The following EDIL3 variants were observed in gnomAD, a reference collection of about 807,000 sequenced individuals.
EDIL3 encodes the protein EGF like and discoidin domains 3.
A neutral mutation model predicts 67.4 loss-of-function variants in EDIL3; 37 were observed. That is an observed-to-expected ratio of 0.55 (90% CI 0.42 to 0.72). The LOEUF (loss-of-function observed/expected upper bound fraction) is 0.72, where lower values mean the gene tolerates loss of function less well. Ranked by LOEUF, EDIL3 falls within the 30% of genes least tolerant of loss-of-function variation. The pLI is 0.00. For missense variants in EDIL3, 527 were observed against 586.3 expected, an observed-to-expected ratio of 0.90 and a Z score of 1.04; for synonymous variants, 195 against 196.3, an observed-to-expected ratio of 0.99 and a Z score of 0.05.
intron 1 of EDIL3, among the ~76,000 whole-genome samples, chr5:84,302,051 T>G (rs1746173751): frequency 6.6e-6 from 1 of 152,096 alleles, no homozygotes; most frequent in Admixed American, 6.5e-5. Context: ...TTATAAAGAG[T>G]ATTGACTATA....
intron 5 of EDIL3, among the ~76,000 whole-genome samples, chr5:84,120,828 C>T (rs1403873464): frequency 1.3e-5 from 2 of 151,838 alleles, no homozygotes; most frequent in Non-Finnish European, 2.9e-5. Flanking sequence ...TTTGACTGCA[C>T]ACTCTGAAGC....
In EDIL3 at chr5:84,384,842, C is replaced by A. The variant is rs996549741; in HGVS notation, c.-468G>T. The A allele has an allele frequency of 6.6e-6, 1 of 152,202 alleles. No individual in the cohort carries two copies. The highest frequency in any genetic ancestry group is 6.5e-5 in the Admixed American group (1 of 15,288). The allele number at this position is 152,202 out of a possible 1,614,324, so 9.4% of individuals were successfully genotyped here. A position where few individuals can be genotyped will look rare whatever the true frequency, so the allele number is the denominator to read the frequency against. On this transcript the variant is annotated 5_prime_UTR_variant, in exon 1 of 11. Transcript: ENST00000296591. Reference sequence around the variant, plus strand: ...AGCTGGAGGGGAGCGAGCGGGCCGCCGGGAGCGCACTGTGTACAAACAGAG... The same window carrying A: ...AGCTGGAGGGGAGCGAGCGGGCCGCAGGGAGCGCACTGTGTACAAACAGAG...
At chr5:84,004,240 C>G (rs962215596) in intron 9 of EDIL3, among the ~76,000 whole-genome samples, 18 of 152,018 alleles carry the variant, frequency 1.2e-4, no homozygotes, top group African/African-American at 3.9e-4. Context: ...AGAATTTCAA[C>G]AACCCACTGA....
chr5:84,379,040 G>A (rs1211898919), intron 1 of EDIL3, among the ~76,000 whole-genome samples: 1 of 152,070 alleles, frequency 6.6e-6, no homozygotes, highest in African/African-American at 2.4e-5. Flanking sequence ...GGGAGAGGAG[G>A]AGAAAGAGAC....
chr5:84,072,852 T>C (rs1746765395), intron 6 of EDIL3, among the ~76,000 whole-genome samples: 2 of 151,838 alleles, frequency 1.3e-5, no homozygotes, highest in African/African-American at 4.8e-5. Flanking sequence ...AATGGAGGGA[T>C]GGTGGAGGGA....
At chr5:84,085,893 A>T (rs1747060527) in intron 6 of EDIL3, among the ~76,000 whole-genome samples, 1 of 152,150 alleles carries the variant, frequency 6.6e-6, no homozygotes, top group African/African-American at 2.4e-5. Flanking sequence ...TGCCCTGCCC[A>T]GTGAGGAGGA....
intron 9 of EDIL3, among the ~76,000 whole-genome samples, chr5:83,965,402 C>G (rs184263554): frequency 6.6e-6 from 1 of 152,172 alleles, no homozygotes; most frequent in East Asian, 1.9e-4. Flanking sequence ...GCAGAGACAG[C>G]AGGGCAAAGC....
chr5:84,207,177 T>G (rs1047222117), intron 3 of EDIL3, among the ~76,000 whole-genome samples: 2 of 152,204 alleles, frequency 1.3e-5, no homozygotes, highest in African/African-American at 4.8e-5. Flanking sequence ...CTCCTTAAGC[T>G]GAGAAGCAAC....
chr5:84,196,405 C>T (rs1271948923), intron 3 of EDIL3, among the ~76,000 whole-genome samples: 1 of 151,950 alleles, frequency 6.6e-6, no homozygotes, highest in African/African-American at 2.4e-5. Context: ...AATTGGGAAC[C>T]ACAGTCCAAT....
intron 9 of EDIL3, among the ~76,000 whole-genome samples, chr5:84,032,311 A>T (rs1745938536): frequency 6.6e-6 from 1 of 152,224 alleles, no homozygotes; most frequent in Non-Finnish European, 1.5e-5. Context: ...TACTAAGTTT[A>T]ATGTTAGTGC....
At chr5:84,086,317 A>G (rs1173602296) in intron 6 of EDIL3, among the ~76,000 whole-genome samples, 1 of 152,196 alleles carries the variant, frequency 6.6e-6, no homozygotes, top group Non-Finnish European at 1.5e-5. Flanking sequence ...GAATCTCCTG[A>G]TCTGCGGATT....
At chr5:84,199,796 G>A (rs960716860) in intron 3 of EDIL3, among the ~76,000 whole-genome samples, 1 of 152,100 alleles carries the variant, frequency 6.6e-6, no homozygotes, top group African/African-American at 2.4e-5. Context: ...AGGAAAAACA[G>A]GCTTCCATGT....
intron 3 of EDIL3, among the ~76,000 whole-genome samples, chr5:84,220,268 A>G (rs976297021): frequency 6.6e-6 from 1 of 152,168 alleles, no homozygotes; most frequent in African/African-American, 2.4e-5. Context: ...TAAAACTTAA[A>G]AGAAATAAAA....
intron 9 of EDIL3, among the ~76,000 whole-genome samples, chr5:83,983,316 C>T (rs1745003178): frequency 6.6e-6 from 1 of 152,004 alleles, no homozygotes; most frequent in Admixed American, 6.6e-5. Context: ...ACTGCAAAGT[C>T]TGTGTATATT....
rs192534620 is a variant in EDIL3 at position 84,108,600 on chromosome 5, T to C, written c.470-1770A>G. Among the ~76,000 whole-genome samples the C allele has an allele frequency of 2.6e-5, 4 of 152,346 alleles. No homozygotes were observed. In the East Asian group the frequency reaches 7.7e-4, roughly 29 times the overall value. On this transcript the variant is annotated intron_variant, in intron 5 of 10. Transcript: ENST00000296591. ...GTTAAAAGTTCAGATATTAATTCTT[T>C]GGACCCTTATTTTGCTTTCCATTTT...
chr5:84,202,196 T>C (rs1340277790), intron 3 of EDIL3, among the ~76,000 whole-genome samples: 1 of 152,158 alleles, frequency 6.6e-6, no homozygotes, highest in Admixed American at 6.5e-5. Flanking sequence ...TTGTAATTTA[T>C]CATGTTTTCT....
intron 1 of EDIL3, among the ~76,000 whole-genome samples, chr5:84,382,087 G>A (rs1440959005): frequency 6.6e-6 from 1 of 152,072 alleles, no homozygotes; most frequent in African/African-American, 2.4e-5. Flanking sequence ...CAGAGGTGAG[G>A]GAGAAAAAAT....
At chr5:84,281,572 A>C (rs1397107446) in intron 1 of EDIL3, among the ~76,000 whole-genome samples, 2 of 152,324 alleles carry the variant, frequency 1.3e-5, no homozygotes, top group East Asian at 3.9e-4. Flanking sequence ...GACATCTGTG[A>C]TCACAGTGTG....
At chr5:83,971,271 C>A (rs73142000) in intron 9 of EDIL3, among the ~76,000 whole-genome samples, 8 of 150,044 alleles carry the variant, frequency 5.3e-5, no homozygotes, top group East Asian at 3.9e-4. Flanking sequence ...AAAAAATATC[C>A]TTTTTTCTTT....
Sources: gnomAD v4.1 joint callset for allele counts (sites outside exome capture counted in the v4.1 genomes callset) on GRCh38, gnomAD v4.1.1 for gene constraint, MANE v1.5 for transcripts, NCBI Gene and HGNC (gene_info 2026-07-23, HGNC 2026-07-21) for gene names.